The following MYRIP variants were observed in gnomAD, a reference collection of about 807,000 sequenced individuals.
MYRIP encodes myosin VIIA and Rab interacting protein, also known as rab effector MyRIP.
Under a neutral mutation model 98.0 loss-of-function variants are expected in MYRIP, and 49 were observed. The observed-to-expected ratio is 0.50, with a 90% CI of 0.40 to 0.63. The LOEUF (loss-of-function observed/expected upper bound fraction) is 0.63. MYRIP is among the 30% of genes least tolerant of loss of function. The pLI is 0.00. For missense variants in MYRIP, 1,004 were observed against 1,058.2 expected (o/e 0.95, Z 0.71); for synonymous variants, 404 against 409.5 (o/e 0.99, Z 0.16).
At chr3:39,875,810 A>T (rs1324631942) in intron 1 of MYRIP, among the ~76,000 whole-genome samples, 1 of 151,710 alleles carries the variant, frequency 6.6e-6, no homozygotes, top group Admixed American at 6.6e-5. Context: ...AAAAAAATGT[A>T]TATTCTGTTG....
At chr3:39,813,213 C>T (rs1410256474) in intron 1 of MYRIP, among the ~76,000 whole-genome samples, 1 of 152,178 alleles carries the variant, frequency 6.6e-6, no homozygotes, top group Non-Finnish European at 1.5e-5. Flanking sequence ...CTGGCTGTAG[C>T]CACGCTACTG....
intron 3 of MYRIP, among the ~76,000 whole-genome samples, chr3:40,102,427 T>C (rs1948963277): frequency 6.6e-6 from 1 of 152,216 alleles, no homozygotes; most frequent in Admixed American, 6.5e-5. Context: ...GTCATTTACT[T>C]ATGCTTCACC....
intron 1 of MYRIP, among the ~76,000 whole-genome samples, chr3:39,878,915 AAAT>A (rs1168278097): frequency 1.3e-5 from 2 of 151,070 alleles, no homozygotes; most frequent in African/African-American, 2.4e-5. Flanking sequence ...AAAAAAAAAA[AAAT>A]AGCTGGGCAT....
intron 10 of MYRIP, among the ~76,000 whole-genome samples, chr3:40,196,930 G>T (rs574460351): frequency 5.9e-5 from 9 of 152,256 alleles, no homozygotes; most frequent in African/African-American, 2.2e-4. Context: ...TCATGGGCCA[G>T]GATTAGCAGC....
At chr3:40,015,016 A>G (rs4258902) in intron 2 of MYRIP, among the ~76,000 whole-genome samples, 137,047 of 152,110 alleles carry the variant, frequency 0.9, 62,844 homozygotes, top group Non-Finnish European at 0.98. Context: ...TCTTTTAGCA[A>G]AGTCCATTCT....
chr3:40,024,215 C>T (rs553912404), intron 2 of MYRIP, among the ~76,000 whole-genome samples: 2 of 152,320 alleles, frequency 1.3e-5, no homozygotes, highest in South Asian at 4.1e-4. Context: ...TGAAGTCATT[C>T]ATAGCTCTTA....
At position 40,212,245 on chromosome 3, in the gene MYRIP, CAT is replaced by C. The variant is rs759976655; in HGVS notation, c.1905+2164_1905+2165del. 4.1e-5 allele frequency among the ~76,000 whole-genome samples: 3 copies of C among 72,498 alleles called. 1 individual carries two copies. Among genetic ancestry groups the C allele is most frequent in the African/African-American group, 1.2e-4 (3 of 24,328 alleles). 47.6% of individuals were successfully genotyped at this position (72,498 alleles called of 152,430 possible). On this transcript the variant is annotated intron_variant, in intron 11 of 16. Coordinates refer to ENST00000302541, the MANE Select transcript of MYRIP (RefSeq NM_015460.4). ...ATATATACACACACACACACACACA[CAT>C]ATATATATATACACGTATATATATA...
At chr3:39,926,210 G>T (rs1200442618) in intron 2 of MYRIP, among the ~76,000 whole-genome samples, 1 of 152,022 alleles carries the variant, frequency 6.6e-6, no homozygotes, top group African/African-American at 2.4e-5. Flanking sequence ...AATTGTTTAA[G>T]TTCCTTATAG....
At chr3:39,945,492 G>A (rs12634860) in intron 2 of MYRIP, among the ~76,000 whole-genome samples, 52,026 of 118,458 alleles carry the variant, frequency 0.44, 11,003 homozygotes, top group African/African-American at 0.55. Flanking sequence ...AAAAAAAAAA[G>A]AAAAAAGAAA....
chr3:40,178,458 C>G (rs2125610750), intron 8 of MYRIP, among the ~76,000 whole-genome samples: 1 of 152,282 alleles, frequency 6.6e-6, no homozygotes, highest in Admixed American at 6.5e-5. Context: ...AGGCACACAC[C>G]AAGAGAGCAT....
At chr3:39,821,750 TA>T (rs1413799462) in intron 1 of MYRIP, among the ~76,000 whole-genome samples, 2 of 152,120 alleles carry the variant, frequency 1.3e-5, no homozygotes, top group East Asian at 1.9e-4. Flanking sequence ...AACTTTTTAA[TA>T]TTTTTTTTTC....
intron 3 of MYRIP, among the ~76,000 whole-genome samples, chr3:40,090,014 T>C (rs1948712137): frequency 6.6e-6 from 1 of 151,686 alleles, no homozygotes; most frequent in South Asian, 2.1e-4. Context: ...CTTGGGAAAG[T>C]CTCTCTTATG....
At chr3:40,227,080 C>G (rs1320288343) in intron 11 of MYRIP, among the ~76,000 whole-genome samples, 1 of 152,216 alleles carries the variant, frequency 6.6e-6, no homozygotes, top group East Asian at 1.9e-4. Context: ...CTTCTGCTAC[C>G]TGCTGTTGTC....
chr3:39,935,215 A>C (rs1245269884), intron 2 of MYRIP, among the ~76,000 whole-genome samples: 1 of 152,170 alleles, frequency 6.6e-6, no homozygotes, highest in Non-Finnish European at 1.5e-5. Context: ...GGGGCAGATA[A>C]AGATAGAGTG....
At chr3:40,218,598 C>CACACACACACACAT (rs143584008) in intron 11 of MYRIP, among the ~76,000 whole-genome samples, 139 of 13,876 alleles carry the variant, frequency 0.01, no homozygotes, top group African/African-American at 0.015. Flanking sequence ...CACACACACA[C>CACACACACACACAT]ATATATATAT....
rs574177675 is a variant in MYRIP at position 39,827,837 on chromosome 3, C to T, written c.-31+17921C>T. Reference sequence around the variant, plus strand: ...GAAAGATTTTATTTATCCTTCAATTCTGAAGGATAGCTTTGCCGAATATAA... The same window carrying T: ...GAAAGATTTTATTTATCCTTCAATTTTGAAGGATAGCTTTGCCGAATATAA... On this transcript the variant is annotated intron_variant, in intron 1 of 16. Transcript: ENST00000302541. Among the ~76,000 whole-genome samples, 5 of 152,000 alleles carry T rather than the reference C, an allele frequency of 3.3e-5. No individual in the cohort carries two copies. The South Asian group carries it at 1.0e-3, about 32-fold the overall frequency.
At chr3:40,126,551 G>A (rs953953264) in intron 3 of MYRIP, among the ~76,000 whole-genome samples, 1 of 152,086 alleles carries the variant, frequency 6.6e-6, no homozygotes, top group Non-Finnish European at 1.5e-5. Flanking sequence ...ATTCCCATGT[G>A]TTTATGTCAT....
intron 10 of MYRIP, among the ~76,000 whole-genome samples, chr3:40,198,855 T>C (rs1951472154): frequency 6.6e-6 from 1 of 152,210 alleles, no homozygotes; most frequent in South Asian, 2.1e-4. Context: ...TATTCATTTA[T>C]TTAATAGGTG....
At chr3:40,094,810 C>A (rs758578972) in intron 3 of MYRIP, among the ~76,000 whole-genome samples, 1 of 152,184 alleles carries the variant, frequency 6.6e-6, no homozygotes, top group African/African-American at 2.4e-5. Flanking sequence ...TCAAACTATA[C>A]CTTCAGGGCT....
Sources: gnomAD v4.1 joint callset for allele counts (sites outside exome capture counted in the v4.1 genomes callset) on GRCh38, gnomAD v4.1.1 for gene constraint, MANE v1.5 for transcripts, NCBI Gene and HGNC (gene_info 2026-07-23, HGNC 2026-07-21) for gene names.